Variants in RGS18 observed in about 807,000 individuals in gnomAD.
The protein encoded by RGS18 is regulator of G-protein signaling 18.
A neutral mutation model predicts 27.6 loss-of-function variants in RGS18; 22 were observed. That is an observed-to-expected ratio of 0.80 (90% CI 0.57 to 1.14). The LOEUF (loss-of-function observed/expected upper bound fraction) is 1.14, where lower values mean the gene tolerates loss of function less well. Among genes scored for constraint, RGS18 ranks in the 50% most tolerant of loss-of-function variants. The pLI, the probability that RGS18 is intolerant of heterozygous loss-of-function variation, is 0.00. For synonymous variants in RGS18, 89 were observed against 84.6 expected, an observed-to-expected ratio of 1.05 and a Z score of -0.29; for missense variants, 299 against 269.6, an observed-to-expected ratio of 1.11 and a Z score of -0.76.
At chr1:192,182,762 G>A (rs553071207) in intron 4 of RGS18, among the ~76,000 whole-genome samples, 22 of 151,506 alleles carry the variant, frequency 1.5e-4, no homozygotes, top group Non-Finnish European at 2.2e-4. Context: ...AATCACTTTC[G>A]CACAAGCAAC....
At chr1:192,179,947 G>A (rs774183118) in intron 3 of RGS18, among the ~76,000 whole-genome samples, 28 of 151,578 alleles carry the variant, frequency 1.8e-4, no homozygotes, top group Non-Finnish European at 3.0e-4. Context: ...TTACACTGGC[G>A]AAAACTGGAT....
chr1:192,184,340 T>C lies in RGS18; in HGVS notation c.494T>C (p.Ile165Thr), dbSNP rs1314268165. The C allele has an allele frequency of 1.2e-6, 2 of 1,611,212 alleles. No homozygotes were observed. Among genetic ancestry groups the C allele is most frequent in the Non-Finnish European group, 1.7e-6 (2 of 1,178,094 alleles). The change falls in exon 5 of 5, where the codon ATC becomes ACC. Residue 165 changes from isoleucine (I) to threonine (T), a missense_variant. Physicochemically the swap from Ile to Thr is moderately conservative, Grantham distance 89 (BLOSUM62 -1). Transcript: ENST00000367460. ...FHTKEVITNSITQPTLHSFDA... is the reference protein window; with the variant it reads ...FHTKEVITNSTTQPTLHSFDA... ...ACAAAAGAAGTCATTACAAACAGCA[T>C]CACTCAACCTACCCTCCACAGTTTT... is the stretch of plus-strand genomic sequence containing the variant.
chr1:192,159,759 G>A (rs1656037842), intron 2 of RGS18, among the ~76,000 whole-genome samples: 1 of 151,924 alleles, frequency 6.6e-6, no homozygotes, highest in African/African-American at 2.4e-5. Context: ...AAAAGAAAAT[G>A]CAAAAACCTT....
chr1:192,181,032 C>G (rs370821819), intron 3 of RGS18, among the ~76,000 whole-genome samples: 2 of 151,694 alleles, frequency 1.3e-5, no homozygotes, highest in East Asian at 2.0e-4. Flanking sequence ...GGGGGTCCCT[C>G]TTACTCTTAG....
In RGS18 at chr1:192,172,884, A is replaced by ATAAAAAT. The variant is rs758940898; in HGVS notation, c.284-8408_284-8407insTAAAAAT. ...ATATGCATATATATATATATATATA[A>ATAAAAAT]ATATATATATATACACATATGTATA... is the stretch of plus-strand genomic sequence containing the variant. On this transcript the variant is annotated intron_variant, in intron 3 of 4. Coordinates refer to ENST00000367460, the MANE Select transcript of RGS18 (RefSeq NM_130782.3). 8.2e-5 allele frequency among the ~76,000 whole-genome samples: 8 copies of ATAAAAAT among 97,510 alleles called. No individual in the cohort carries two copies. In the South Asian group the frequency reaches 9.4e-4, roughly 11 times the overall value. 64.0% of individuals were successfully genotyped at this position (97,510 alleles called of 152,430 possible).
Position 192,158,770 on chromosome 1 carries a change from AT to A in RGS18, c.119+18del, listed in dbSNP as rs775155940. 15 of 1,493,094 alleles carry A rather than the reference AT, an allele frequency of 1.0e-5. No homozygotes were observed. In the South Asian group the frequency reaches 1.9e-4, roughly 19 times the overall value. 92.5% of individuals were successfully genotyped at this position (1,493,094 alleles called of 1,614,324 possible). A position where few individuals can be genotyped will look rare whatever the true frequency, so the allele number is the denominator to read the frequency against. ...AGCCAAAATCAGGTAAAATTGTACA[AT>A]TTTAAGTCAGCCTTATACTTTTAAA... On this transcript the variant is annotated intron_variant, in intron 1 of 4. Transcript: ENST00000367460.
intron 1 of RGS18, 128 bp from the exon 2 acceptor site, chr1:192,159,092 T>C: frequency 1.6e-6 from 1 of 618,636 alleles, no homozygotes; most frequent in African/African-American, 1.8e-5. Context: ...AATATTTAAA[T>C]GGGATTCATG....
chr1:192,167,075 T>C (rs1448822916), intron 3 of RGS18, among the ~76,000 whole-genome samples: 1 of 152,208 alleles, frequency 6.6e-6, no homozygotes, highest in African/African-American at 2.4e-5. Context: ...ACCTATTTAC[T>C]TGAACTTTTT....
intron 3 of RGS18, among the ~76,000 whole-genome samples, chr1:192,179,385 T>C (rs1656410188): frequency 6.6e-6 from 1 of 151,598 alleles, no homozygotes; most frequent in South Asian, 2.1e-4. Flanking sequence ...ATTAGGAACA[T>C]ATTTCCCTTC....
intron 4 of RGS18, among the ~76,000 whole-genome samples, chr1:192,182,468 G>A (rs1417819494): frequency 2.0e-5 from 3 of 151,492 alleles, no homozygotes; most frequent in Non-Finnish European, 4.4e-5. Context: ...GTCCAAAATG[G>A]CACTTTATGT....
intron 3 of RGS18, among the ~76,000 whole-genome samples, chr1:192,172,884 A>AT (rs758940898): frequency 3.1e-5 from 3 of 97,510 alleles, no homozygotes; most frequent in South Asian, 3.1e-4. Flanking sequence ...TATATATATA[A>AT]ATATATATAT....
In RGS18 at chr1:192,184,422, T is replaced by G; in HGVS notation, c.576T>G (p.Phe192Leu). The G allele has an allele frequency of 6.2e-7, 1 of 1,611,908 alleles. No individual in the cohort carries two copies. The highest frequency in any genetic ancestry group is 8.5e-7 in the Non-Finnish European group (1 of 1,178,628). ...QLMEQDSYTR[F>L]LKSDIYLDLM... is the part of the protein sequence containing the mutation. ...TGGAACAAGACAGTTATACACGTTT[T>G]CTGAAATCTGACATCTATTTAGACT... Residue 192 changes from phenylalanine (F) to leucine (L), a missense_variant, in exon 5 of 5, where the codon TTT (phenylalanine) becomes TTG (leucine). Phe to Leu is a conservative substitution (Grantham distance 22, BLOSUM62 0). Coordinates refer to ENST00000367460, the MANE Select transcript of RGS18 (RefSeq NM_130782.3).
intron 3 of RGS18, chr1:192,161,337 A>C (rs982792933): frequency 1.3e-5 from 2 of 152,018 alleles, no homozygotes; most frequent in African/African-American, 2.4e-5. Flanking sequence ...ACACTGTTAT[A>C]ATATAGCATG....
At chr1:192,180,259 A>G (rs1430299909) in intron 3 of RGS18, among the ~76,000 whole-genome samples, 1 of 151,618 alleles carries the variant, frequency 6.6e-6, no homozygotes, top group African/African-American at 2.4e-5. Context: ...TGGAGTTTTT[A>G]ATATGTCCCA....
intron 3 of RGS18, among the ~76,000 whole-genome samples, chr1:192,170,684 CAAGT>C (rs1344186363): frequency 6.7e-6 from 1 of 149,932 alleles, no homozygotes; most frequent in East Asian, 2.0e-4. Flanking sequence ...AAAAAAAAGA[CAAGT>C]AAAACCATAG....
Position 192,158,660 on chromosome 1 carries a change from T to A in RGS18, c.23T>A (p.Phe8Tyr). Residue 8 changes from phenylalanine to tyrosine, a missense_variant, in exon 1 of 5, where the codon TTT (phenylalanine) becomes TAT (tyrosine). Transcript: ENST00000367460. METTLLF[F>Y]SQINMCESKE... ...AAGATGGAAACAACATTGCTTTTCT[T>A]TTCTCAAATAAATATGTGTGAATCA... 6.4e-7 allele frequency: 1 copy of A among 1,571,682 alleles called. No individual in the cohort carries two copies. Among genetic ancestry groups the A allele is most frequent in the Non-Finnish European group, 8.6e-7 (1 of 1,165,254 alleles).
intron 1 of RGS18, 68 bp downstream of exon 1, chr1:192,158,824 C>A (rs571043286): frequency 2.7e-6 from 3 of 1,096,116 alleles, no homozygotes; most frequent in Admixed American, 5.2e-5. Context: ...AGATTCATTA[C>A]CTCTTGTTTT....
chr1:192,174,087 A>G (rs970493877), intron 3 of RGS18, among the ~76,000 whole-genome samples: 4 of 151,490 alleles, frequency 2.6e-5, no homozygotes, highest in Non-Finnish European at 3.0e-5. Context: ...TGCATCTCAC[A>G]AATTTTTGAT....
chr1:192,179,030 G>A (rs1221588917), intron 3 of RGS18, among the ~76,000 whole-genome samples: 1 of 151,434 alleles, frequency 6.6e-6, no homozygotes, highest in Non-Finnish European at 1.5e-5. Context: ...GCAAAGGACA[G>A]AATTTTAGCA....
Sources: gnomAD v4.1 joint callset for allele counts (sites outside exome capture counted in the v4.1 genomes callset) on GRCh38, gnomAD v4.1.1 for gene constraint, MANE v1.5 for transcripts, NCBI Gene and HGNC (gene_info 2026-07-23, HGNC 2026-07-21) for gene names.